Variants in KCNH7 observed in about 807,000 individuals in gnomAD.
KCNH7 encodes voltage-gated inwardly rectifying potassium channel KCNH7.
In KCNH7, 49 loss-of-function variants were observed where a neutral mutation model predicts 120.8. The observed-to-expected ratio is 0.41, with a 90% CI of 0.32 to 0.51. The LOEUF is 0.51. Ranked by LOEUF, KCNH7 falls within the 20% of genes least tolerant of loss-of-function variation. The pLI, the probability that KCNH7 is intolerant of heterozygous loss-of-function variation, is 0.38. For synonymous variants in KCNH7, 547 were observed against 516.1 expected (o/e 1.06, Z -0.81); for missense variants, 1,097 against 1,446.6 (o/e 0.76, Z 3.92).
chr2:162,551,742 A>G (rs12185647), intron 2 of KCNH7, among the ~76,000 whole-genome samples: 46,807 of 152,046 alleles, frequency 0.31, 9,500 homozygotes, highest in Non-Finnish European at 0.46. Flanking sequence ...TACTTAAAGT[A>G]CTCAAGGTAT....
intron 2 of KCNH7, among the ~76,000 whole-genome samples, chr2:162,814,608 A>C (rs991282122): frequency 2.6e-5 from 4 of 152,210 alleles, no homozygotes; most frequent in African/African-American, 9.6e-5. Context: ...CCTTTGTTAC[A>C]GAGACTATTA....
At chr2:162,416,995 A>G (rs1687560709) in intron 9 of KCNH7, among the ~76,000 whole-genome samples, 1 of 152,176 alleles carries the variant, frequency 6.6e-6, no homozygotes, top group Non-Finnish European at 1.5e-5. Flanking sequence ...AAATTTCTTG[A>G]GCTATTGCTG....
intron 2 of KCNH7, among the ~76,000 whole-genome samples, chr2:162,611,689 T>C (rs1166440870): frequency 6.6e-6 from 1 of 152,208 alleles, no homozygotes; most frequent in African/African-American, 2.4e-5. Flanking sequence ...TGTTTTTGCA[T>C]ATTTGAGCAT....
intron 2 of KCNH7, among the ~76,000 whole-genome samples, chr2:162,581,315 C>A (rs7576875): frequency 0.044 from 6,674 of 152,118 alleles, 293 homozygotes; most frequent in East Asian, 0.11. Context: ...ACTTTTGTAT[C>A]CGTAAGTGAT....
intron 2 of KCNH7, among the ~76,000 whole-genome samples, chr2:162,576,201 T>C (rs1693665008): frequency 6.6e-6 from 1 of 152,130 alleles, no homozygotes; most frequent in Non-Finnish European, 1.5e-5. Flanking sequence ...ACTGTGATTT[T>C]ACTAACATTT....
intron 2 of KCNH7, among the ~76,000 whole-genome samples, chr2:162,537,282 T>A (rs1348643471): frequency 1.3e-5 from 2 of 152,088 alleles, no homozygotes; most frequent in African/African-American, 4.8e-5. Flanking sequence ...AGAAAAACGT[T>A]ACAAATAAAT....
At chr2:162,803,900 C>A (rs757361602) in intron 2 of KCNH7, among the ~76,000 whole-genome samples, 1 of 147,690 alleles carries the variant, frequency 6.8e-6, no homozygotes, top group Non-Finnish European at 1.5e-5. Context: ...TTATGACATG[C>A]CTGAGTGTTT....
At chr2:162,496,609 C>T (rs982265662) in intron 6 of KCNH7, among the ~76,000 whole-genome samples, 1 of 152,040 alleles carries the variant, frequency 6.6e-6, no homozygotes, top group Non-Finnish European at 1.5e-5. Flanking sequence ...ATCCATGTGC[C>T]TACTTTTTCC....
intron 2 of KCNH7, among the ~76,000 whole-genome samples, chr2:162,742,252 G>A (rs1021966776): frequency 6.6e-5 from 10 of 152,214 alleles, no homozygotes; most frequent in African/African-American, 2.4e-4. Context: ...GACACGAAGA[G>A]TTGGTTTAAT....
At chr2:162,743,017 T>C (rs1688191340) in intron 2 of KCNH7, among the ~76,000 whole-genome samples, 1 of 152,212 alleles carries the variant, frequency 6.6e-6, no homozygotes, top group African/African-American at 2.4e-5. Context: ...GAAACTCTAA[T>C]TGTCAGCCAT....
chr2:162,562,409 A>G (rs1022888455), intron 2 of KCNH7, among the ~76,000 whole-genome samples: 2 of 152,154 alleles, frequency 1.3e-5, no homozygotes, highest in African/African-American at 4.8e-5. Flanking sequence ...TGTATATGCC[A>G]CTGTGAACAC....
intron 2 of KCNH7, among the ~76,000 whole-genome samples, chr2:162,750,066 C>T (rs1220942792): frequency 6.6e-6 from 1 of 152,110 alleles, no homozygotes; most frequent in Non-Finnish European, 1.5e-5. Context: ...GGAATGACAA[C>T]TCTGGATTCA....
chr2:162,421,847 C>T (rs1259466745), intron 9 of KCNH7, among the ~76,000 whole-genome samples: 2 of 152,094 alleles, frequency 1.3e-5, no homozygotes, highest in Admixed American at 6.5e-5. Flanking sequence ...TGTTTTGCTA[C>T]TGTTTTTGAA....
intron 9 of KCNH7, among the ~76,000 whole-genome samples, chr2:162,407,996 T>C (rs1314649020): frequency 6.6e-6 from 1 of 152,056 alleles, no homozygotes; most frequent in Non-Finnish European, 1.5e-5. Flanking sequence ...GTCAACATCA[T>C]GTGGGGAATA....
Position 162,518,119 on chromosome 2 carries a change from A to C in KCNH7, c.503T>G (p.Leu168Arg), listed in dbSNP as rs1196508442. The C allele has an allele frequency of 1.9e-6, 3 of 1,611,814 alleles. No individual in the cohort carries two copies. The African/African-American group carries it at 4.0e-5, about 22-fold the overall frequency. ...TGGTAAGGACTGCTTTCTGTAAGTG[A>C]GAACTCTCAGACCAGGGAATTTGAA... ...FGFKFPGLRVLTYRKQSLPQE... is the reference protein window; with the variant it reads ...FGFKFPGLRVRTYRKQSLPQE... Residue 168 changes from leucine (L) to arginine (R), a missense_variant, in exon 4 of 16, where the codon CTC becomes CGC. Coordinates refer to ENST00000332142, the MANE Select transcript of KCNH7 (RefSeq NM_033272.4).
chr2:162,453,983 C>T (rs966693058), intron 6 of KCNH7, among the ~76,000 whole-genome samples: 2 of 152,058 alleles, frequency 1.3e-5, no homozygotes, highest in Admixed American at 1.3e-4. Flanking sequence ...TAAATTTTGG[C>T]TTTTGTTGCA....
At chr2:162,539,533 G>A (rs1307517968) in intron 2 of KCNH7, among the ~76,000 whole-genome samples, 1 of 152,008 alleles carries the variant, frequency 6.6e-6, no homozygotes, top group East Asian at 1.9e-4. Context: ...TCTAATACAA[G>A]TGTTTGAAAA....
At chr2:162,745,032 T>C (rs1344142328) in intron 2 of KCNH7, among the ~76,000 whole-genome samples, 2 of 152,234 alleles carry the variant, frequency 1.3e-5, no homozygotes, top group African/African-American at 4.8e-5. Context: ...CATTGGTTTT[T>C]GCATATCTAC....
chr2:162,793,322 G>T (rs1573892839), intron 2 of KCNH7, among the ~76,000 whole-genome samples: 1 of 151,682 alleles, frequency 6.6e-6, no homozygotes, highest in African/African-American at 2.4e-5. Context: ...AGGAGGGAGG[G>T]GATCAGCAAA....
Sources: allele counts gnomAD v4.1 joint callset (sites outside exome capture counted in the v4.1 genomes callset), GRCh38; gene constraint gnomAD v4.1.1; transcripts MANE v1.5; gene names NCBI Gene and HGNC (gene_info 2026-07-23, HGNC 2026-07-21).